WNT3: variants seen among roughly 807,000 people sequenced by gnomAD.
The protein encoded by WNT3 is Wnt family member 3.
A neutral mutation model predicts 34.2 loss-of-function variants in WNT3; 7 were observed. The ratio of observed to expected loss-of-function variants is 0.20; its 90% CI spans 0.12 to 0.38. The LOEUF is 0.38. Ranked by LOEUF, WNT3 falls within the 10% of genes least tolerant of loss-of-function variation. WNT3 has a pLI of 1.00. For missense variants in WNT3, 267 were observed against 499.8 expected (o/e 0.53, Z 4.44); for synonymous variants, 212 against 211.5 (o/e 1.00, Z -0.02).
chr17:46,816,514 C>CCT (rs1179358296), intron 1 of WNT3, among the ~76,000 whole-genome samples: 2 of 141,636 alleles, frequency 1.4e-5, no homozygotes, highest in South Asian at 2.3e-4. Context: ...CACACACACA[C>CCT]ACCTCTCTCC....
At chr17:46,793,400 C>T (rs1343373404) in intron 1 of WNT3, among the ~76,000 whole-genome samples, 4 of 151,888 alleles carry the variant, frequency 2.6e-5, no homozygotes, top group Admixed American at 6.6e-5. Context: ...TCTGCTGCTC[C>T]GGCCGCTGTT....
At position 46,773,829 on chromosome 17, in the gene WNT3, T is replaced by C. The variant is rs1285314376; in HGVS notation, c.161A>G (p.Lys54Arg). The stretch of plus-strand genomic sequence containing the variant: ...GTAATTGCGGCAGAAGCGCAGTTGC[T>C]TGGGGACCAGGCCTGGGATGGAGCC... ...LCGSIPGLVP[K>R]QLRFCRNYIE... The change falls in exon 2 of 5, where the codon AAG (lysine) becomes AGG (arginine). Residue 54 changes from lysine to arginine, a missense_variant. Lys to Arg is a conservative substitution (Grantham distance 26). Coordinates refer to ENST00000225512, the MANE Select transcript of WNT3 (RefSeq NM_030753.5). 7.4e-6 allele frequency: 12 copies of C among 1,613,234 alleles called. No individual in the cohort carries two copies. The highest frequency in any genetic ancestry group is 1.3e-5 in the African/African-American group (1 of 74,926).
At chr17:46,772,074 G>A (rs2146381683) in intron 2 of WNT3, among the ~76,000 whole-genome samples, 1 of 152,216 alleles carries the variant, frequency 6.6e-6, no homozygotes, top group South Asian at 2.1e-4. Flanking sequence ...CCGCCCACGC[G>A]GCGGTGGTGT....
intron 1 of WNT3, among the ~76,000 whole-genome samples, chr17:46,797,656 A>C (rs918762174): frequency 1.5e-4 from 23 of 152,244 alleles, no homozygotes; most frequent in African/African-American, 5.5e-4. Flanking sequence ...AGGTACCTCC[A>C]TGAACACCTT....
At chr17:46,801,006 T>C (rs1451862398) in intron 1 of WNT3, among the ~76,000 whole-genome samples, 1 of 152,206 alleles carries the variant, frequency 6.6e-6, no homozygotes, top group Non-Finnish European at 1.5e-5. Flanking sequence ...ATGAAATTAA[T>C]GTCAGCAAAA....
intron 1 of WNT3, among the ~76,000 whole-genome samples, chr17:46,811,330 TGG>T (rs2084272436): frequency 6.6e-6 from 1 of 152,048 alleles, no homozygotes; most frequent in Admixed American, 6.5e-5. Context: ...GGAAACAGAA[TGG>T]GGGCTCCTGT....
Position 46,809,137 on chromosome 17 carries a change from GT to G in WNT3, c.80+9380del, listed in dbSNP as rs2084236728. On this transcript the variant is annotated intron_variant, in intron 1 of 4. Transcript: ENST00000225512. ...GGGGGGATCGAGGGGGTTTGTGAAA[GT>G]TACAACTGCGCAGGTGGACAGAAGT... Among the ~76,000 whole-genome samples the G allele has an allele frequency of 2.0e-5, 3 of 152,198 alleles. No individual in the cohort carries two copies. In the South Asian group the frequency reaches 6.2e-4, roughly 31 times the overall value.
rs2059363183 is a variant in WNT3 at position 46,771,077 on chromosome 17, G to A, written c.323-1029C>T. On this transcript the variant is annotated intron_variant, in intron 2 of 4. Transcript: ENST00000225512. ...CGCCTCCCCTCCTGGGCTGTGGGCC[G>A]AGTGCTGCAAGAAGGAAGCCCGGGA... is the stretch of plus-strand genomic sequence containing the variant. 2.6e-5 allele frequency among the ~76,000 whole-genome samples: 4 copies of A among 152,184 alleles called. No individual in the cohort carries two copies. The South Asian group carries it at 8.3e-4, about 31-fold the overall frequency.
At chr17:46,801,249 G>A (rs1372805664) in intron 1 of WNT3, among the ~76,000 whole-genome samples, 2 of 152,202 alleles carry the variant, frequency 1.3e-5, no homozygotes, top group Non-Finnish European at 2.9e-5. Context: ...GGTGCAGGGC[G>A]GCAGGGGCCA....
chr17:46,802,219 T>G (rs1383707525), intron 1 of WNT3, among the ~76,000 whole-genome samples: 1 of 152,154 alleles, frequency 6.6e-6, no homozygotes, highest in African/African-American at 2.4e-5. Flanking sequence ...AGATTGAGGT[T>G]GGTTACCCCA....
intron 1 of WNT3, among the ~76,000 whole-genome samples, chr17:46,800,259 C>T (rs1174610110): frequency 6.6e-6 from 1 of 152,104 alleles, no homozygotes; most frequent in Non-Finnish European, 1.5e-5. Flanking sequence ...TACAGCTGCC[C>T]ACCACCACAC....
chr17:46,789,376 G>A (rs2083950918), intron 1 of WNT3, among the ~76,000 whole-genome samples: 1 of 152,200 alleles, frequency 6.6e-6, no homozygotes, highest in African/African-American at 2.4e-5. Context: ...ATCACTTGGG[G>A]TGGTTTTGAA....
intron 1 of WNT3, among the ~76,000 whole-genome samples, chr17:46,796,727 G>A (rs932398837): frequency 5.3e-5 from 8 of 152,208 alleles, no homozygotes; most frequent in African/African-American, 1.2e-4. Context: ...CAAGATGAGC[G>A]GTGCCTGATC....
At chr17:46,788,439 C>G (rs1233828852) in intron 1 of WNT3, among the ~76,000 whole-genome samples, 2 of 152,194 alleles carry the variant, frequency 1.3e-5, no homozygotes, top group Admixed American at 6.5e-5. Flanking sequence ...TTGCTATACC[C>G]TTCAAGCCAG....
chr17:46,807,221 G>A (rs888599813), intron 1 of WNT3, among the ~76,000 whole-genome samples: 4 of 152,234 alleles, frequency 2.6e-5, no homozygotes, highest in Non-Finnish European at 5.9e-5. Flanking sequence ...GGTGGCTTAC[G>A]CCTGTCATCT....
intron 1 of WNT3, among the ~76,000 whole-genome samples, chr17:46,782,682 T>C (rs1428638459): frequency 1.3e-5 from 2 of 152,210 alleles, no homozygotes; most frequent in African/African-American, 4.8e-5. Context: ...TGGTGGGCTC[T>C]GATGCACCCA....
At chr17:46,788,473 C>T (rs984568489) in intron 1 of WNT3, among the ~76,000 whole-genome samples, 3 of 152,192 alleles carry the variant, frequency 2.0e-5, no homozygotes, top group African/African-American at 4.8e-5. Flanking sequence ...CAAGACATAG[C>T]CTGCCCAGCC....
At chr17:46,777,243 G>A (rs1244068980) in intron 1 of WNT3, among the ~76,000 whole-genome samples, 2 of 152,346 alleles carry the variant, frequency 1.3e-5, no homozygotes, top group South Asian at 2.1e-4. Flanking sequence ...AGCAGAGGCC[G>A]TGAAAGAGGA....
rs112818159 is a variant in WNT3, at chr17:46,787,690, A to T, written c.81-13781T>A. Among the ~76,000 whole-genome samples, 250 of 152,314 alleles carry T rather than the reference A, an allele frequency of 1.6e-3. 1 individual carries two copies. The highest frequency in any genetic ancestry group is 6.8e-3 in the Middle Eastern group (2 of 294). On this transcript the variant is annotated intron_variant, in intron 1 of 4. Transcript: ENST00000225512. ...TAGCCTCGGCCGGGCGCGGTGGCTC[A>T]CGCCTGTATTCCCGGCACTTTGGGA...
Sources: gnomAD v4.1 joint callset for allele counts (sites outside exome capture counted in the v4.1 genomes callset) on GRCh38, gnomAD v4.1.1 for gene constraint, MANE v1.5 for transcripts, NCBI Gene and HGNC (gene_info 2026-07-23, HGNC 2026-07-21) for gene names.